IGF1R: variants seen among roughly 807,000 people sequenced by gnomAD.
IGF1R encodes insulin-like growth factor 1 receptor.
IGF1R carries 44 observed loss-of-function variants against 144.6 expected under a neutral mutation model. The ratio of observed to expected loss-of-function variants is 0.30; its 90% CI spans 0.24 to 0.39. The LOEUF is 0.39. Ranked by LOEUF, IGF1R falls within the 10% of genes least tolerant of loss-of-function variation. IGF1R has a pLI of 1.00. For missense variants in IGF1R, 1,355 were observed against 1,833.7 expected, an observed-to-expected ratio of 0.74 and a Z score of 4.77; for synonymous variants, 795 against 722.8, an observed-to-expected ratio of 1.10 and a Z score of -1.60.
intron 2 of IGF1R, among the ~76,000 whole-genome samples, chr15:98,841,480 GAGTT>G (rs1355734494): frequency 1.3e-5 from 2 of 152,232 alleles, no homozygotes; most frequent in Non-Finnish European, 2.9e-5. Flanking sequence ...GAGAGAGAGA[GAGTT>G]AGTTTCCAGC....
In IGF1R at chr15:98,881,919, G is replaced by T. The variant is rs984444554; in HGVS notation, c.641-9406G>T. On this transcript the variant is annotated intron_variant, in intron 2 of 20. Transcript: ENST00000650285. ...AATATTAACTGTATATTAATACAAA[G>T]TCCTGTATTCAGAATCTCCAGTATA... Among the ~76,000 whole-genome samples, 4 of 152,320 alleles carry T rather than the reference G, an allele frequency of 2.6e-5. No individual in the cohort carries two copies. The East Asian group carries it at 7.7e-4, about 29-fold the overall frequency.
chr15:98,733,746 G>A lies in IGF1R; in HGVS notation c.640+25639G>A, dbSNP rs565881396. On this transcript the variant is annotated intron_variant, in intron 2 of 20. Coordinates refer to ENST00000650285, the MANE Select transcript of IGF1R (RefSeq NM_000875.5). Reference sequence around the variant, plus strand: ...ATCTAGGTGGAACATGGGACTGTTTGCAAGCTACTTCTGTTTCTGAAATCA... The same window carrying A: ...ATCTAGGTGGAACATGGGACTGTTTACAAGCTACTTCTGTTTCTGAAATCA... Among the ~76,000 whole-genome samples, 3 of 152,306 alleles carry A rather than the reference G, an allele frequency of 2.0e-5. No individual in the cohort carries two copies. In the East Asian group the frequency reaches 5.8e-4, roughly 29 times the overall value.
chr15:98,921,630 A>G (rs2015492063), intron 10 of IGF1R, among the ~76,000 whole-genome samples: 1 of 152,044 alleles, frequency 6.6e-6, no homozygotes, highest in Admixed American at 6.5e-5. Context: ...GCTTGCTGCT[A>G]GACTCCAGGC....
At chr15:98,681,302 G>T (rs2053183275) in intron 1 of IGF1R, among the ~76,000 whole-genome samples, 1 of 152,174 alleles carries the variant, frequency 6.6e-6, no homozygotes, top group Non-Finnish European at 1.5e-5. Flanking sequence ...CCTGGCGCAT[G>T]ACATACACCT....
chr15:98,840,852 T>C (rs1362354552), intron 2 of IGF1R, among the ~76,000 whole-genome samples: 2 of 152,224 alleles, frequency 1.3e-5, no homozygotes, highest in Non-Finnish European at 2.9e-5. Context: ...GGCTAACTTT[T>C]GTATTTTTAG....
chr15:98,700,602 G>T (rs1327890321), intron 1 of IGF1R, among the ~76,000 whole-genome samples: 2 of 152,256 alleles, frequency 1.3e-5, no homozygotes, highest in African/African-American at 4.8e-5. Flanking sequence ...CCTCCTACAA[G>T]CAAAGTGAAG....
chr15:98,893,698 C>T (rs895322176), intron 3 of IGF1R, among the ~76,000 whole-genome samples: 1 of 152,154 alleles, frequency 6.6e-6, no homozygotes, highest in African/African-American at 2.4e-5. Context: ...TCTGCAGCCA[C>T]CAGAGTTGTG....
chr15:98,948,617 C>T lies in IGF1R; in HGVS notation c.3631C>T (p.Gln1211Ter), dbSNP rs1216829167. 1 of 1,614,042 alleles carries T rather than the reference C, an allele frequency of 6.2e-7. No homozygotes were observed. Among genetic ancestry groups the T allele is most frequent in the Non-Finnish European group, 8.5e-7 (1 of 1,179,896 alleles). ...VLWEIATLAE[Q>*]PYQGLSNEQV... ...CTGGGAGATCGCCACACTGGCCGAG[C>T]AGCCCTACCAGGGCTTGTCCAACGA... The change falls in exon 20 of 21, where the codon CAG becomes TAG. Residue 1211 changes from glutamine to a stop codon, truncating the protein, a stop_gained. Transcript: ENST00000650285. LOFTEE classifies it high-confidence loss of function.
At chr15:98,828,793 T>C (rs79282141) in intron 2 of IGF1R, among the ~76,000 whole-genome samples, 4,531 of 140,516 alleles carry the variant, frequency 0.032, 92 homozygotes, top group East Asian at 0.14. Flanking sequence ...TTTTTTTTTT[T>C]CCTATTTTGG....
rs149042956 is a variant in IGF1R, at chr15:98,883,197, C to G, written c.641-8128C>G. Among the ~76,000 whole-genome samples, 16 of 152,330 alleles carry G rather than the reference C, an allele frequency of 1.1e-4. No individual in the cohort carries two copies. The East Asian group carries it at 2.9e-3, about 28-fold the overall frequency. On this transcript the variant is annotated intron_variant, in intron 2 of 20. Transcript: ENST00000650285. ...ACACAGCGCTTGCCACTTGAACTTT[C>G]TTTTGCCGTGCGTAGCTGATTCCAC...
intron 2 of IGF1R, among the ~76,000 whole-genome samples, chr15:98,713,809 C>T (rs1294600474): frequency 6.6e-6 from 1 of 152,210 alleles, no homozygotes; most frequent in East Asian, 1.9e-4. Flanking sequence ...GACCTTACTG[C>T]AACTAAGTCT....
chr15:98,823,597 G>A (rs1344560216), intron 2 of IGF1R, among the ~76,000 whole-genome samples: 1 of 152,208 alleles, frequency 6.6e-6, no homozygotes, highest in Non-Finnish European at 1.5e-5. Flanking sequence ...TGAGAAGTGG[G>A]GATATGGTCA....
chr15:98,849,983 ATC>A (rs1051598029), intron 2 of IGF1R, among the ~76,000 whole-genome samples: 2 of 152,228 alleles, frequency 1.3e-5, no homozygotes, highest in Non-Finnish European at 2.9e-5. Flanking sequence ...ATTTGGCAAT[ATC>A]TCTCAGGTTA....
chr15:98,731,611 C>T (rs1291627257), intron 2 of IGF1R, among the ~76,000 whole-genome samples: 2 of 152,192 alleles, frequency 1.3e-5, no homozygotes, highest in Non-Finnish European at 2.9e-5. Flanking sequence ...TGGGTGTTGG[C>T]ACAAAGCGTA....
At chr15:98,862,931 AAC>A (rs1205549385) in intron 2 of IGF1R, among the ~76,000 whole-genome samples, 3 of 152,192 alleles carry the variant, frequency 2.0e-5, no homozygotes, top group African/African-American at 7.2e-5. Flanking sequence ...CGGTTATCAA[AAC>A]AGTGTTCACT....
chr15:98,829,956 A>G (rs186773143), intron 2 of IGF1R, among the ~76,000 whole-genome samples: 3 of 152,358 alleles, frequency 2.0e-5, no homozygotes, highest in East Asian at 1.9e-4. Flanking sequence ...GGGCAGTTCC[A>G]TATAGTTGTA....
At chr15:98,762,633 C>T (rs947456141) in intron 2 of IGF1R, among the ~76,000 whole-genome samples, 2 of 151,722 alleles carry the variant, frequency 1.3e-5, no homozygotes, top group African/African-American at 4.8e-5. Context: ...GAGGCTGAGG[C>T]AGGAGAATTG....
chr15:98,867,660 T>C (rs1367688454), intron 2 of IGF1R, among the ~76,000 whole-genome samples: 4 of 152,230 alleles, frequency 2.6e-5, no homozygotes, highest in Non-Finnish European at 5.9e-5. Context: ...CTCTTAGCCC[T>C]CACAATTGCC....
intron 2 of IGF1R, among the ~76,000 whole-genome samples, chr15:98,733,746 G>T (rs565881396): frequency 6.6e-6 from 1 of 152,188 alleles, no homozygotes; most frequent in South Asian, 2.1e-4. Flanking sequence ...GGGACTGTTT[G>T]CAAGCTACTT....
Sources: allele counts gnomAD v4.1 joint callset (sites outside exome capture counted in the v4.1 genomes callset), GRCh38; gene constraint gnomAD v4.1.1; transcripts MANE v1.5; gene names NCBI Gene and HGNC (gene_info 2026-07-23, HGNC 2026-07-21).